ARHGAP24: variants seen among roughly 807,000 people sequenced by gnomAD.
ARHGAP24 encodes Rho GTPase activating protein 24.
In ARHGAP24, 50 loss-of-function variants were observed where a neutral mutation model predicts 76.4. The observed-to-expected ratio is 0.65, with a 90% CI of 0.52 to 0.83. The LOEUF is 0.83. Ranked by LOEUF, ARHGAP24 falls within the 40% of genes least tolerant of loss-of-function variation. ARHGAP24 has a pLI of 0.00. For missense variants in ARHGAP24, 930 were observed against 914.2 expected (o/e 1.02, Z -0.22); for synonymous variants, 345 against 323.3 (o/e 1.07, Z -0.72).
chr4:85,855,930 T>G (rs72658262), intron 3 of ARHGAP24, among the ~76,000 whole-genome samples: 8,671 of 152,224 alleles, frequency 0.057, 508 homozygotes, highest in South Asian at 0.24. Flanking sequence ...TTTAATAATT[T>G]TAATTGATGG....
At chr4:85,880,976 G>A (rs1733219608) in intron 3 of ARHGAP24, among the ~76,000 whole-genome samples, 1 of 152,130 alleles carries the variant, frequency 6.6e-6, no homozygotes, top group African/African-American at 2.4e-5. Context: ...ACTAAGTCAT[G>A]AGTGTTCACG....
chr4:85,981,758 CCTGG>C (rs1739682606), intron 8 of ARHGAP24, among the ~76,000 whole-genome samples: 1 of 152,092 alleles, frequency 6.6e-6, no homozygotes, highest in Non-Finnish European at 1.5e-5. Flanking sequence ...GGAAGGGAGT[CCTGG>C]CTGGTCAGTG....
rs770020020 is a variant in ARHGAP24, at chr4:85,942,068, A to G, written c.394A>G (p.Ile132Val). The part of the protein sequence containing the change: ...RVIWGPFGGG[I>V]FGQKLEDTVR... ...TACTGTGATCCTTTTTTTTTAAGGC[A>G]TTTTTGGACAGAAACTGGAGGATAC... The change falls in exon 5 of 10, where the codon ATT (isoleucine) becomes GTT (valine). Residue 132 changes from isoleucine to valine, a missense_variant and splice_region_variant. Physicochemically the swap from Ile to Val is conservative, Grantham distance 29 (BLOSUM62 3). Coordinates refer to ENST00000395184, the MANE Select transcript of ARHGAP24 (RefSeq NM_001025616.3). 2.4e-5 allele frequency: 38 copies of G among 1,612,326 alleles called. No individual in the cohort carries two copies. The highest frequency in any genetic ancestry group is 4.0e-5 in the African/African-American group (3 of 74,660).
chr4:85,714,973 A>T (rs1161692851), intron 2 of ARHGAP24, among the ~76,000 whole-genome samples: 2 of 152,124 alleles, frequency 1.3e-5, no homozygotes, highest in African/African-American at 4.8e-5. Context: ...TATTCACACA[A>T]ATATGTATTA....
chr4:85,570,456 G>T, intron 1 of ARHGAP24, 66 bp from the exon 2 acceptor site: 1 of 1,172,842 alleles, frequency 8.5e-7, no homozygotes, highest in Non-Finnish European at 1.2e-6. Context: ...GAGAAGAGTG[G>T]TTTAAAAGGG....
intron 5 of ARHGAP24, among the ~76,000 whole-genome samples, chr4:85,947,577 C>A (rs540980557): frequency 6.6e-6 from 1 of 152,268 alleles, no homozygotes; most frequent in Non-Finnish European, 1.5e-5. Flanking sequence ...AGTGTTATTT[C>A]TCTGTGAAAG....
chr4:85,969,103 G>A (rs920211986), intron 5 of ARHGAP24, among the ~76,000 whole-genome samples: 4 of 152,064 alleles, frequency 2.6e-5, no homozygotes, highest in African/African-American at 7.2e-5. Flanking sequence ...TGCTGGTAGA[G>A]GAAGAATGAT....
At chr4:85,630,902 T>C (rs1297292248) in intron 2 of ARHGAP24, among the ~76,000 whole-genome samples, 2 of 152,128 alleles carry the variant, frequency 1.3e-5, no homozygotes, top group Non-Finnish European at 2.9e-5. Context: ...AAATAGTTAG[T>C]CTTTGTGATA....
At chr4:85,768,191 G>A (rs1169760166) in intron 3 of ARHGAP24, among the ~76,000 whole-genome samples, 1 of 151,522 alleles carries the variant, frequency 6.6e-6, no homozygotes, top group African/African-American at 2.4e-5. Context: ...GAGAGTGAAT[G>A]AAAATAGCAT....
intron 1 of ARHGAP24, among the ~76,000 whole-genome samples, chr4:85,564,707 G>A (rs980093307): frequency 6.6e-5 from 10 of 151,132 alleles, no homozygotes; most frequent in African/African-American, 1.5e-4. Context: ...AGGAGCGCAC[G>A]ACCTAGATCC....
At chr4:85,701,392 C>A (rs905865838) in intron 2 of ARHGAP24, among the ~76,000 whole-genome samples, 1 of 152,076 alleles carries the variant, frequency 6.6e-6, no homozygotes, top group Non-Finnish European at 1.5e-5. Flanking sequence ...GAGCGCTGTA[C>A]ACTGCACCCA....
intron 4 of ARHGAP24, among the ~76,000 whole-genome samples, chr4:85,934,980 C>A (rs1700897064): frequency 6.6e-6 from 1 of 152,168 alleles, no homozygotes; most frequent in Admixed American, 6.5e-5. Context: ...TAGGTCTATT[C>A]AATCAGGGAT....
intron 2 of ARHGAP24, among the ~76,000 whole-genome samples, chr4:85,579,862 A>AC (rs1399890452): frequency 6.6e-6 from 1 of 152,126 alleles, no homozygotes; most frequent in Admixed American, 6.6e-5. Context: ...CGGTTGATGG[A>AC]CATATGGGTT....
chr4:85,624,998 T>C (rs1267427726), intron 2 of ARHGAP24, among the ~76,000 whole-genome samples: 4 of 152,174 alleles, frequency 2.6e-5, no homozygotes, highest in Non-Finnish European at 5.9e-5. Flanking sequence ...AGTCTATCAA[T>C]TTTGTTGATC....
chr4:85,789,869 A>G (rs762647070), intron 3 of ARHGAP24, among the ~76,000 whole-genome samples: 13 of 152,182 alleles, frequency 8.5e-5, no homozygotes, highest in Non-Finnish European at 1.8e-4. Flanking sequence ...TTCTAAGACT[A>G]TTGGATTTTT....
intron 3 of ARHGAP24, among the ~76,000 whole-genome samples, chr4:85,864,685 G>A (rs1049681640): frequency 1.3e-5 from 2 of 151,826 alleles, no homozygotes; most frequent in Non-Finnish European, 2.9e-5. Context: ...TAAATGATAG[G>A]ATGGGAAGGA....
intron 9 of ARHGAP24, among the ~76,000 whole-genome samples, chr4:85,997,886 A>T (rs1241501211): frequency 6.6e-6 from 1 of 151,966 alleles, no homozygotes; most frequent in African/African-American, 2.4e-5. Context: ...TGAGCTCTTG[A>T]CCTCAAATGA....
chr4:85,931,807 A>T (rs1344248451), intron 4 of ARHGAP24, among the ~76,000 whole-genome samples: 1 of 152,238 alleles, frequency 6.6e-6, no homozygotes, highest in African/African-American at 2.4e-5. Context: ...CTTTAAAATA[A>T]GAATAATTAA....
chr4:85,784,939 CTA>C (rs1271937215), intron 3 of ARHGAP24, among the ~76,000 whole-genome samples: 21 of 150,960 alleles, frequency 1.4e-4, no homozygotes, highest in East Asian at 3.9e-4. Context: ...ATCTATCTAT[CTA>C]TCTATCTATC....
Sources: allele counts gnomAD v4.1 joint callset (sites outside exome capture counted in the v4.1 genomes callset), GRCh38; gene constraint gnomAD v4.1.1; transcripts MANE v1.5; gene names NCBI Gene and HGNC (gene_info 2026-07-23, HGNC 2026-07-21).